The following MMP26 variants were observed in gnomAD, a reference collection of about 807,000 sequenced individuals.
MMP26 encodes the protein matrix metalloproteinase-26.
Under a neutral mutation model 31.0 loss-of-function variants are expected in MMP26, and 33 were observed. The observed-to-expected ratio is 1.06, with a 90% CI of 0.81 to 1.42. MMP26 has a LOEUF of 1.42. Among genes scored for constraint, MMP26 ranks in the 40% most tolerant of loss-of-function variants. The probability of loss-of-function intolerance (pLI) is 0.00; values close to 1 mark genes in which losing one functional copy is unlikely to be tolerated. For missense variants in MMP26, 347 were observed against 316.1 expected (o/e 1.10, Z -0.74); for synonymous variants, 122 against 114.9 (o/e 1.06, Z -0.40).
At chr11:4,760,342 A>T (rs1023520986) in intron 1 of MMP26, among the ~76,000 whole-genome samples, 1 of 152,168 alleles carries the variant, frequency 6.6e-6, no homozygotes, top group Non-Finnish European at 1.5e-5. Flanking sequence ...TATTTTCTGA[A>T]TTTAGGAACA....
At chr11:4,911,899 G>C (rs868239648) in intron 2 of MMP26, among the ~76,000 whole-genome samples, 1 of 152,212 alleles carries the variant, frequency 6.6e-6, no homozygotes, top group Middle Eastern at 3.4e-3. Flanking sequence ...TTCCTATAAT[G>C]TGTGCTTAGA....
chr11:4,977,046 T>C (rs1407360624), intron 2 of MMP26, among the ~76,000 whole-genome samples: 1 of 152,054 alleles, frequency 6.6e-6, no homozygotes, highest in Non-Finnish European at 1.5e-5. Flanking sequence ...ATATACCCTT[T>C]GTTCATTTTT....
chr11:4,838,310 C>CT (rs1339701274), intron 2 of MMP26, among the ~76,000 whole-genome samples: 2 of 69,558 alleles, frequency 2.9e-5, no homozygotes, highest in Non-Finnish European at 5.3e-5. Context: ...GGGCAAGACT[C>CT]TGTCTAAAAA....
chr11:4,767,228 A>G (rs1276710674), intron 1 of MMP26, 42 bp from the exon 2 acceptor site: 1 of 152,224 alleles, frequency 6.6e-6, no homozygotes, highest in Non-Finnish European at 1.5e-5. Context: ...TCTTCCATGA[A>G]TAGTAAAATT....
At chr11:4,869,330 C>T (rs2133524041) in intron 2 of MMP26, among the ~76,000 whole-genome samples, 1 of 152,206 alleles carries the variant, frequency 6.6e-6, no homozygotes, top group East Asian at 1.9e-4. Flanking sequence ...TGACAAAGGG[C>T]TAATATCCAG....
At chr11:4,709,430 C>T in intron 1 of MMP26, 1 of 340,972 alleles carries the variant, frequency 2.9e-6, no homozygotes, top group Non-Finnish European at 5.8e-6. Context: ...AGTGGCTATG[C>T]ATTTTCATTG....
chr11:4,714,416 G>A (rs1038406627), intron 1 of MMP26, among the ~76,000 whole-genome samples: 1 of 152,064 alleles, frequency 6.6e-6, no homozygotes, highest in Admixed American at 6.6e-5. Context: ...GCCACTGAAG[G>A]TCCTAAAGTC....
intron 2 of MMP26, chr11:4,832,320 A>G: frequency 6.1e-6 from 1 of 163,962 alleles, no homozygotes; most frequent in South Asian, 1.8e-4. Context: ...CCCATGTACT[A>G]TTTCCTCTCC....
intron 2 of MMP26, among the ~76,000 whole-genome samples, chr11:4,931,897 A>G (rs1279286995): frequency 6.6e-6 from 1 of 152,066 alleles, no homozygotes; most frequent in Non-Finnish European, 1.5e-5. Flanking sequence ...AGGAGGAAGC[A>G]TGAGGATAGG....
intron 1 of MMP26, among the ~76,000 whole-genome samples, chr11:4,729,187 G>A (rs1295303770): frequency 6.6e-6 from 1 of 152,056 alleles, no homozygotes; most frequent in Non-Finnish European, 1.5e-5. Context: ...TCATATGTAA[G>A]TTAAATTGTT....
At chr11:4,739,748 G>A (rs1262580274) in intron 1 of MMP26, among the ~76,000 whole-genome samples, 1 of 151,778 alleles carries the variant, frequency 6.6e-6, no homozygotes, top group Non-Finnish European at 1.5e-5. Flanking sequence ...TCCAGTCTCA[G>A]CTTTTACTCC....
chr11:4,905,454 A>T (rs1416037835), intron 2 of MMP26, among the ~76,000 whole-genome samples: 1 of 152,146 alleles, frequency 6.6e-6, no homozygotes, highest in Non-Finnish European at 1.5e-5. Context: ...CACAAAATAC[A>T]GTATGAATTC....
intron 2 of MMP26, among the ~76,000 whole-genome samples, chr11:4,950,562 A>C (rs1262176649): frequency 8.2e-6 from 1 of 121,716 alleles, no homozygotes; most frequent in Non-Finnish European, 1.9e-5. Flanking sequence ...AAAGGTAAAA[A>C]GTTAGAAAGA....
intron 2 of MMP26, among the ~76,000 whole-genome samples, chr11:4,807,350 A>AAGAAT (rs1179677395): frequency 6.6e-6 from 1 of 152,214 alleles, no homozygotes; most frequent in Non-Finnish European, 1.5e-5. Flanking sequence ...CATGATAGCA[A>AAGAAT]AGACTTGGAA....
intron 2 of MMP26, among the ~76,000 whole-genome samples, chr11:4,954,514 G>C (rs1846408500): frequency 8.0e-6 from 1 of 124,316 alleles, no homozygotes; most frequent in Admixed American, 8.9e-5. Context: ...TTTCTGTCTT[G>C]GTTGTAATTT....
At chr11:4,721,161 G>A (rs1848006231) in intron 1 of MMP26, among the ~76,000 whole-genome samples, 1 of 152,094 alleles carries the variant, frequency 6.6e-6, no homozygotes, top group Non-Finnish European at 1.5e-5. Context: ...ATAGAATGGT[G>A]GATTTGGAGC....
chr11:4,858,465 A>T (rs560025004), intron 2 of MMP26, among the ~76,000 whole-genome samples: 1 of 152,198 alleles, frequency 6.6e-6, no homozygotes, highest in African/African-American at 2.4e-5. Context: ...GTGAATTCCC[A>T]TTCACAACTG....
At chr11:4,882,457 G>A (rs755187481) in intron 2 of MMP26, 2 of 1,609,000 alleles carry the variant, frequency 1.2e-6, no homozygotes, top group African/African-American at 1.3e-5. Context: ...ACCCAGAAGT[G>A]ATCAAATACA....
At chr11:4,773,856 T>C (rs1274918965) in intron 2 of MMP26, among the ~76,000 whole-genome samples, 1 of 152,136 alleles carries the variant, frequency 6.6e-6, no homozygotes, top group Non-Finnish European at 1.5e-5. Flanking sequence ...GATCTCATTG[T>C]TCAGCTCCCA....
Sources: allele counts gnomAD v4.1 joint callset (sites outside exome capture counted in the v4.1 genomes callset), GRCh38; gene constraint gnomAD v4.1.1; transcripts MANE v1.5; gene names NCBI Gene and HGNC (gene_info 2026-07-23, HGNC 2026-07-21).